WDR37: variants seen among roughly 807,000 people sequenced by gnomAD.
WDR37 encodes the protein WD repeat-containing protein 37.
Under a neutral mutation model 62.9 loss-of-function variants are expected in WDR37, and 19 were observed. The ratio of observed to expected loss-of-function variants is 0.30; its 90% confidence interval spans 0.21 to 0.44. The LOEUF is 0.44. Among genes scored for constraint, WDR37 ranks in the 20% least tolerant of loss-of-function variants. The pLI is 1.00. For synonymous variants in WDR37, 250 were observed against 260.9 expected (o/e 0.96, Z 0.40); for missense variants, 474 against 657.6 (o/e 0.72, Z 3.05).
Position 1,129,621 on chromosome 10 carries a change from GT to G in WDR37, c.*279del, listed in dbSNP as rs1835912389. The G allele has an allele frequency of 2.9e-6, 1 of 346,492 alleles. No homozygotes were observed. Among genetic ancestry groups the G allele is most frequent in the East Asian group, 5.8e-5 (1 of 17,188 alleles). 21.5% of individuals were successfully genotyped at this position (346,492 alleles called of 1,614,324 possible). ...GTAGCACATGAAATGCTTGTGAGTT[GT>G]TGACATTGGACAGGTGAACAGTAGG... On this transcript the variant is annotated 3_prime_UTR_variant, in exon 14 of 14. Transcript: ENST00000263150.
chr10:1,128,225 A>C (rs538022944), intron 13 of WDR37, among the ~76,000 whole-genome samples: 54 of 152,164 alleles, frequency 3.5e-4, no homozygotes, highest in Non-Finnish European at 7.1e-4. Flanking sequence ...GTGTTTCTTA[A>C]TCTGTCAACT....
rs900843249 is a variant in WDR37, at chr10:1,129,520, C to T, written c.*176C>T. 9.6e-5 allele frequency: 99 copies of T among 1,027,612 alleles called. No homozygotes were observed. Among genetic ancestry groups the T allele is most frequent in the Non-Finnish European group, 1.3e-4 (96 of 738,242 alleles). The allele number at this position is 1,027,612 out of a possible 1,614,324, so 63.7% of individuals were successfully genotyped here. A position where few individuals can be genotyped will look rare whatever the true frequency, so the allele number is the denominator to read the frequency against. On this transcript the variant is annotated 3_prime_UTR_variant, in exon 14 of 14. Transcript: ENST00000263150. Reference sequence around the variant, plus strand: ...TGAAATGTACAGAGAAATGTGTGGTCGTATTTTTTACTTTTGTCTTGTATA... The same window carrying T: ...TGAAATGTACAGAGAAATGTGTGGTTGTATTTTTTACTTTTGTCTTGTATA...
At chr10:1,066,513 A>AT (rs1416788723) in intron 1 of WDR37, among the ~76,000 whole-genome samples, 1 of 152,240 alleles carries the variant, frequency 6.6e-6, no homozygotes, top group Admixed American at 6.5e-5. Flanking sequence ...CATAATAAAT[A>AT]TACCATTTCT....
chr10:1,068,710 A>G (rs1241688623), intron 1 of WDR37, among the ~76,000 whole-genome samples: 2 of 152,206 alleles, frequency 1.3e-5, no homozygotes, highest in African/African-American at 4.8e-5. Context: ...AACCACAAAA[A>G]CTAAACATGA....
chr10:1,074,265 G>A (rs1833802285), intron 2 of WDR37: 2 of 1,132,652 alleles, frequency 1.8e-6, no homozygotes, highest in Admixed American at 3.7e-5. Context: ...ATGTTCTAGA[G>A]TTGTCTCCTG....
In WDR37 at chr10:1,114,161, C is replaced by T. The variant is rs184189632; in HGVS notation, c.1103+8894C>T. On this transcript the variant is annotated intron_variant, in intron 11 of 13. Transcript: ENST00000263150. ...TAGTAGAGACAGGGTTTCACCACAT[C>T]GGCCAAGCTGGTCTCAAACTGCTAA... Among the ~76,000 whole-genome samples, 26 of 151,988 alleles carry T rather than the reference C, an allele frequency of 1.7e-4. No homozygotes were observed. In the East Asian group the frequency reaches 1.7e-3, roughly 10 times the overall value.
At chr10:1,099,650 G>A (rs539878427) in intron 9 of WDR37, among the ~76,000 whole-genome samples, 28 of 152,368 alleles carry the variant, frequency 1.8e-4, no homozygotes, top group African/African-American at 6.3e-4. Context: ...CCACTAACAC[G>A]CACATTTAGT....
chr10:1,090,092 G>A (rs1218798444), intron 7 of WDR37, among the ~76,000 whole-genome samples: 1 of 152,088 alleles, frequency 6.6e-6, no homozygotes, highest in African/African-American at 2.4e-5. Flanking sequence ...TCAGCCTCCC[G>A]AGTAGCTGGG....
At chr10:1,126,531 T>A (rs1248654067) in intron 13 of WDR37, among the ~76,000 whole-genome samples, 1 of 152,222 alleles carries the variant, frequency 6.6e-6, no homozygotes, top group Non-Finnish European at 1.5e-5. Context: ...ACTGTCTGGA[T>A]ACCTGTGTGA....
In WDR37 at chr10:1,129,459, T is replaced by G. The variant is rs1835910144; in HGVS notation, c.*115T>G. The G allele has an allele frequency of 1.9e-5, 27 of 1,440,480 alleles. 1 individual carries two copies. In the South Asian group the frequency reaches 3.6e-4, roughly 19 times the overall value. 89.2% of individuals were successfully genotyped at this position (1,440,480 alleles called of 1,614,324 possible). A position where few individuals can be genotyped will look rare whatever the true frequency, so the allele number is the denominator to read the frequency against. The stretch of plus-strand genomic sequence containing the variant: ...AGAGTTTGACCCTGGAAAGGGTGCT[T>G]TGTATATGTTCTTTTCACATAGTGC... On this transcript the variant is annotated 3_prime_UTR_variant, in exon 14 of 14. Transcript: ENST00000263150.
intron 1 of WDR37, among the ~76,000 whole-genome samples, chr10:1,057,301 C>T (rs1833216065): frequency 1.5e-4 from 1 of 6,682 alleles, no homozygotes; most frequent in Non-Finnish European, 4.0e-4. Flanking sequence ...TGTCGGAGTC[C>T]AGGAAGAGTC....
intron 6 of WDR37, among the ~76,000 whole-genome samples, chr10:1,085,031 G>A (rs1252271786): frequency 6.6e-6 from 1 of 152,158 alleles, no homozygotes; most frequent in Non-Finnish European, 1.5e-5. Context: ...GCGCAATCTC[G>A]GCTCACTGCA....
Position 1,124,443 on chromosome 10 carries a change from A to C in WDR37, c.1238+91A>C, listed in dbSNP as rs978273176. On this transcript the variant is annotated intron_variant, in intron 12 of 13. Transcript: ENST00000263150. ...TGTTTTATTCATGGAGGTTTAATTGATAGAACCCCGGGAACAATGGTTTAG... is the reference window on the plus strand; with the variant it reads ...TGTTTTATTCATGGAGGTTTAATTGCTAGAACCCCGGGAACAATGGTTTAG... The C allele has an allele frequency of 2.6e-6, 4 of 1,552,590 alleles. No individual in the cohort carries two copies. In the East Asian group the frequency reaches 6.8e-5, roughly 26 times the overall value.
At chr10:1,075,805 G>A (rs997537564) in intron 2 of WDR37, among the ~76,000 whole-genome samples, 6 of 142,506 alleles carry the variant, frequency 4.2e-5, no homozygotes, top group Admixed American at 7.1e-5. Flanking sequence ...TTTTTGAGAC[G>A]GAGTCTCGCT....
Position 1,105,221 on chromosome 10 carries a change from A to C in WDR37, c.1057A>C (p.Arg353=). The C allele has an allele frequency of 6.2e-7, 1 of 1,614,032 alleles. No individual in the cohort carries two copies. Among genetic ancestry groups the C allele is most frequent in the Non-Finnish European group, 8.5e-7 (1 of 1,179,986 alleles). Residue 353 remains arginine, a synonymous_variant, in exon 11 of 14, where the codon AGG becomes CGG. Coordinates refer to ENST00000263150, the MANE Select transcript of WDR37 (RefSeq NM_014023.4). This position sits in a 1 kb window ranked among gnomAD's most constrained non-coding sequence, Gnocchi z 5.3. ...RDTTFRLWDF[R]DPSIHSVNVF... ...CACGACTTTCCGCCTCTGGGATTTC[A>C]GGGACCCCTCCATCCACTCGGTGAA...
intron 1 of WDR37, among the ~76,000 whole-genome samples, chr10:1,057,507 C>G (rs1047814830): frequency 6.6e-6 from 1 of 152,124 alleles, no homozygotes; most frequent in African/African-American, 2.4e-5. Flanking sequence ...TGTGGAGTGA[C>G]GGATGCTGAA....
intron 11 of WDR37, among the ~76,000 whole-genome samples, chr10:1,122,428 C>T (rs1835615188): frequency 6.6e-6 from 1 of 152,210 alleles, no homozygotes; most frequent in African/African-American, 2.4e-5. Flanking sequence ...TCTGAGAAGG[C>T]ACTGCCCCTG....
Position 1,096,228 on chromosome 10 carries a change from G to T in WDR37, c.708G>T (p.Gln236His). Residue 236 changes from glutamine (Q) to histidine (H), a missense_variant, in exon 9 of 14, where the codon CAG (glutamine) becomes CAT (histidine). Physicochemically the swap from Gln to His is conservative, Grantham distance 24. Coordinates refer to ENST00000263150, the MANE Select transcript of WDR37 (RefSeq NM_014023.4). ...ACGCGGTGCAGCTGCCGACACCCCA[G>T]CCTGTTGCTGACACTAGTGTAAGCA... ...WRYAVQLPTP[Q>H]PVADTSISGE... 6.2e-7 allele frequency: 1 copy of T among 1,614,152 alleles called. No individual in the cohort carries two copies. Among genetic ancestry groups the T allele is most frequent in the Non-Finnish European group, 8.5e-7 (1 of 1,180,040 alleles).
At chr10:1,127,649 G>A (rs1486854788) in intron 13 of WDR37, among the ~76,000 whole-genome samples, 3 of 152,236 alleles carry the variant, frequency 2.0e-5, no homozygotes, top group African/African-American at 4.8e-5. Flanking sequence ...AGGAGGTCCG[G>A]GGTCAGGGTT....
Sources: gnomAD v4.1 joint callset for allele counts (sites outside exome capture counted in the v4.1 genomes callset) on GRCh38, gnomAD v4.1.1 for gene constraint, Gnocchi (gnomAD v3.1) non-coding constraint, MANE v1.5 for transcripts, NCBI Gene and HGNC (gene_info 2026-07-23, HGNC 2026-07-21) for gene names.